The following ANK3 variants were observed in gnomAD, a reference collection of about 807,000 sequenced individuals.
The protein encoded by ANK3 is ankyrin-3.
Under a neutral mutation model 370.9 loss-of-function variants are expected in ANK3, and 57 were observed. The observed-to-expected ratio is 0.15, with a 90% CI of 0.12 to 0.19. ANK3 has a LOEUF of 0.19. ANK3 is among the 10% of genes least tolerant of loss of function. The pLI is 1.00. For missense variants in ANK3, 4,439 were observed against 5,302.1 expected (o/e 0.84, Z 5.06); for synonymous variants, 1,929 against 1,946.3 (o/e 0.99, Z 0.23).
At chr10:60,087,435 A>G (rs2086999252) in intron 29 of ANK3, among the ~76,000 whole-genome samples, 1 of 152,192 alleles carries the variant, frequency 6.6e-6, no homozygotes, top group Non-Finnish European at 1.5e-5. Flanking sequence ...TACCCCTGAA[A>G]TGTAAGGTGG....
intron 2 of ANK3, among the ~76,000 whole-genome samples, chr10:60,483,800 C>A (rs997956197): frequency 6.6e-6 from 1 of 152,176 alleles, no homozygotes; most frequent in Non-Finnish European, 1.5e-5. Context: ...TACCGCCGAA[C>A]AAGACCTTAT....
intron 23 of ANK3, among the ~76,000 whole-genome samples, chr10:60,148,387 A>T (rs1290852207): frequency 6.6e-6 from 1 of 152,204 alleles, no homozygotes; most frequent in East Asian, 1.9e-4. Context: ...TCCAACACTG[A>T]GTCATGCATG....
intron 1 of ANK3, among the ~76,000 whole-genome samples, chr10:60,651,038 G>A (rs1021896614): frequency 1.3e-5 from 2 of 152,204 alleles, no homozygotes; most frequent in African/African-American, 4.8e-5. Flanking sequence ...TGAGGCTACA[G>A]TGAGCTGTGG....
intron 1 of ANK3, among the ~76,000 whole-genome samples, chr10:60,731,963 G>C (rs1371921947): frequency 1.3e-5 from 2 of 152,172 alleles, no homozygotes; most frequent in Non-Finnish European, 2.9e-5. Context: ...TGAAACTTCA[G>C]AGTCTTCTTT....
chr10:60,338,007 T>C (rs914690311), intron 1 of ANK3, among the ~76,000 whole-genome samples: 1 of 152,160 alleles, frequency 6.6e-6, no homozygotes, highest in Non-Finnish European at 1.5e-5. Flanking sequence ...AATGCTTGAA[T>C]TGCTGTTGTG....
intron 1 of ANK3, among the ~76,000 whole-genome samples, chr10:60,365,841 C>T (rs1020313905): frequency 6.6e-6 from 1 of 152,138 alleles, no homozygotes; most frequent in Non-Finnish European, 1.5e-5. Flanking sequence ...GAATCCTACT[C>T]CAGAGCTGAC....
chr10:60,218,097 CTTTTTTTTT>C (rs199989242), intron 8 of ANK3, among the ~76,000 whole-genome samples: 4 of 126,172 alleles, frequency 3.2e-5, no homozygotes, highest in East Asian at 4.4e-4. Flanking sequence ...CTTTTTCTTT[CTTTTTTTTT>C]TTTTTTTTTT....
chr10:60,668,862 G>A (rs572719846), intron 1 of ANK3, among the ~76,000 whole-genome samples: 8 of 152,122 alleles, frequency 5.3e-5, no homozygotes, highest in South Asian at 2.1e-4. Flanking sequence ...GCGCGGTGGC[G>A]TGCACCTGTA....
chr10:60,178,969 A>G (rs2096063030), intron 18 of ANK3, among the ~76,000 whole-genome samples: 1 of 152,084 alleles, frequency 6.6e-6, no homozygotes, highest in South Asian at 2.1e-4. Context: ...GGGGGAGAGG[A>G]CTGCAAAGGC....
intron 2 of ANK3, among the ~76,000 whole-genome samples, chr10:60,518,005 AGTT>A (rs1259026844): frequency 2.6e-5 from 4 of 152,132 alleles, no homozygotes; most frequent in Non-Finnish European, 4.4e-5. Flanking sequence ...ATCTCAGAGA[AGTT>A]GTGCAGTTTA....
At position 60,547,063 on chromosome 10, in the gene ANK3, A is replaced by T. The variant is rs373401461; in HGVS notation, c.96+68123T>A. Among the ~76,000 whole-genome samples the T allele has an allele frequency of 2.0e-5, 3 of 147,840 alleles. No individual in the cohort carries two copies. In the East Asian group the frequency reaches 6.0e-4, roughly 30 times the overall value. ...GTTGTCTTTGCTTCCTCATCTTGTC[A>T]GTTTGTCAGTTCCCTCAATGCAACT... On this transcript the variant is annotated intron_variant, in intron 2 of 43. Coordinates refer to the ANK3 transcript ENST00000373827.
chr10:60,473,899 A>C (rs1405576873), intron 2 of ANK3, among the ~76,000 whole-genome samples: 1 of 148,808 alleles, frequency 6.7e-6, no homozygotes, highest in East Asian at 2.1e-4. Flanking sequence ...GAAGGCCAAG[A>C]TGGGAGGATT....
chr10:60,118,342 T>A (rs1590247017), intron 25 of ANK3, among the ~76,000 whole-genome samples: 1 of 152,340 alleles, frequency 6.6e-6, no homozygotes, highest in East Asian at 1.9e-4. Context: ...CAAGTCACTA[T>A]CTCACCCACA....
At chr10:60,107,610 C>G (rs1268109652) in intron 27 of ANK3, among the ~76,000 whole-genome samples, 1 of 152,234 alleles carries the variant, frequency 6.6e-6, no homozygotes, top group Non-Finnish European at 1.5e-5. Flanking sequence ...AAAGAATACT[C>G]TATCTGCTGC....
chr10:60,652,998 G>T (rs2078811888), intron 1 of ANK3, among the ~76,000 whole-genome samples: 1 of 152,056 alleles, frequency 6.6e-6, no homozygotes, highest in African/African-American at 2.4e-5. Context: ...CATTTGTGAA[G>T]TATCTTTTCT....
chr10:60,266,701 C>T (rs780012539), intron 5 of ANK3, among the ~76,000 whole-genome samples: 7 of 152,160 alleles, frequency 4.6e-5, no homozygotes, highest in Admixed American at 3.3e-4. Flanking sequence ...AAGATACCAG[C>T]TCTAAGGTGT....
At chr10:60,598,469 A>G (rs554119117) in intron 2 of ANK3, among the ~76,000 whole-genome samples, 107 of 152,310 alleles carry the variant, frequency 7.0e-4, no homozygotes, top group African/African-American at 2.4e-3. Context: ...TTATATTAAC[A>G]ATAATGTTTC....
At chr10:60,088,518 T>TG (rs1306233639) in intron 28 of ANK3, among the ~76,000 whole-genome samples, 160 bp from the exon 29 acceptor site, 1 of 152,204 alleles carries the variant, frequency 6.6e-6, no homozygotes, top group African/African-American at 2.4e-5. Flanking sequence ...CTCAGCCTTC[T>TG]GGGTTCAAGT....
intron 2 of ANK3, among the ~76,000 whole-genome samples, chr10:60,438,724 C>T (rs551401557): frequency 7.9e-5 from 12 of 152,280 alleles, no homozygotes; most frequent in South Asian, 2.1e-4. Context: ...AAGGAAGGGA[C>T]GAGCAAAGAA....
Sources: allele counts gnomAD v4.1 joint callset (sites outside exome capture counted in the v4.1 genomes callset), GRCh38; gene constraint gnomAD v4.1.1; transcripts MANE v1.5; gene names NCBI Gene and HGNC (gene_info 2026-07-23, HGNC 2026-07-21).